The following PHF12 variants were observed in gnomAD, a reference collection of about 807,000 sequenced individuals.
The protein encoded by PHF12 is PHD factor 1.
Under a neutral mutation model 99.8 loss-of-function variants are expected in PHF12, and 6 were observed. The observed-to-expected ratio is 0.06, with a 90% CI of 0.03 to 0.12. The LOEUF is 0.12. PHF12 is among the 10% of genes least tolerant of loss of function. The pLI, the probability that PHF12 is intolerant of heterozygous loss-of-function variation, is 1.00. For synonymous variants in PHF12, 480 were observed against 514.9 expected (o/e 0.93, Z 0.92); for missense variants, 954 against 1,300.1 (o/e 0.73, Z 4.09).
rs773058091 is a variant in PHF12 at position 28,950,324 on chromosome 17, C to G, written c.67-78G>C. 2 of 1,430,574 alleles carry G rather than the reference C, an allele frequency of 1.4e-6. No individual in the cohort carries two copies. The highest frequency in any genetic ancestry group is 2.1e-5 in the Admixed American group (1 of 48,196). 88.6% of individuals were successfully genotyped at this position (1,430,574 alleles called of 1,614,324 possible). A position where few individuals can be genotyped will look rare whatever the true frequency, so the allele number is the denominator to read the frequency against. Reference sequence around the variant, plus strand: ...CGTCGCCCCCCCGGCGCGGTTTCTCCGTCACCCACCCCTCTCCCCCCTTTT... The same window carrying G: ...CGTCGCCCCCCCGGCGCGGTTTCTCGGTCACCCACCCCTCTCCCCCCTTTT... On this transcript the variant is annotated intron_variant, in intron 1 of 14. Transcript: ENST00000332830. The surrounding 1 kb of genome is among the most constrained non-coding windows in gnomAD (Gnocchi z 5.7).
chr17:28,918,179 C>T (rs1382406340), intron 6 of PHF12, among the ~76,000 whole-genome samples: 4 of 152,218 alleles, frequency 2.6e-5, no homozygotes, highest in African/African-American at 9.6e-5. Flanking sequence ...CTGCCTAATT[C>T]ATAAATCAGG....
At chr17:28,924,341 C>T in intron 3 of PHF12, 39 bp from the exon 4 acceptor site, 1 of 1,613,494 alleles carries the variant, frequency 6.2e-7, no homozygotes, top group Non-Finnish European at 8.5e-7. Flanking sequence ...TGAAAAGTAC[C>T]ATGAAACAAA....
At chr17:28,946,004 C>T (rs572629701) in intron 2 of PHF12, among the ~76,000 whole-genome samples, 5 of 152,238 alleles carry the variant, frequency 3.3e-5, no homozygotes, top group South Asian at 2.1e-4. Context: ...GGCCTGGTGG[C>T]GTGCGCCTGT....
intron 11 of PHF12, chr17:28,909,912 T>C (rs1200009845): frequency 6.6e-6 from 4 of 604,866 alleles, no homozygotes; most frequent in Non-Finnish European, 1.2e-5. Context: ...CTAATTCAAA[T>C]ATTTGAAAGC....
chr17:28,910,567 A>G (rs902312885), intron 10 of PHF12, 198 bp from the exon 11 acceptor site: 28 of 644,292 alleles, frequency 4.3e-5, no homozygotes, highest in East Asian at 1.1e-4. Context: ...ATGGGCCCCA[A>G]TGCAGCCTGT....
intron 2 of PHF12, among the ~76,000 whole-genome samples, chr17:28,936,362 T>C (rs942700705): frequency 2.6e-5 from 4 of 151,868 alleles, no homozygotes; most frequent in African/African-American, 9.7e-5. Flanking sequence ...AGGCGAGAGG[T>C]AGAGGGAGAG....
At chr17:28,913,412 T>C (rs2040004889) in intron 8 of PHF12, 135 bp from the exon 9 acceptor site, 10 of 1,438,868 alleles carry the variant, frequency 6.9e-6, no homozygotes, top group Non-Finnish European at 9.1e-6. Flanking sequence ...AAGGGTGTGC[T>C]TGACTCCTGA....
At chr17:28,940,426 C>T (rs913212084) in intron 2 of PHF12, among the ~76,000 whole-genome samples, 8 of 152,188 alleles carry the variant, frequency 5.3e-5, no homozygotes, top group Non-Finnish European at 1.0e-4. Flanking sequence ...TCAAGTTTTT[C>T]ATTACTTTGA....
intron 5 of PHF12, among the ~76,000 whole-genome samples, chr17:28,919,501 G>A (rs1444253676): frequency 1.3e-5 from 2 of 152,206 alleles, no homozygotes; most frequent in Non-Finnish European, 2.9e-5. Flanking sequence ...GGGAGGCCGA[G>A]GTGGGCGGAT....
chr17:28,911,241 G>A lies in PHF12; in HGVS notation c.2090-4C>T. ...GTGCCGGGGCTGACCTTGCCATCTGGGGACGGAGCAGGAAGACTGTTACTT... is the reference window on the plus strand; with the variant it reads ...GTGCCGGGGCTGACCTTGCCATCTGAGGACGGAGCAGGAAGACTGTTACTT... On this transcript the variant is annotated splice_polypyrimidine_tract_variant and splice_region_variant and intron_variant, in intron 9 of 14. Transcript: ENST00000332830. 2 of 1,614,070 alleles carry A rather than the reference G, an allele frequency of 1.2e-6. No homozygotes were observed. The highest frequency in any genetic ancestry group is 4.5e-5 in the East Asian group (2 of 44,882).
intron 4 of PHF12, among the ~76,000 whole-genome samples, 171 bp from the exon 5 acceptor site, chr17:28,921,979 T>G (rs2040175145): frequency 1.3e-5 from 2 of 151,588 alleles, no homozygotes; most frequent in South Asian, 4.2e-4. Context: ...AAAGAAAGAT[T>G]AGGGAGGAAA....
intron 9 of PHF12, among the ~76,000 whole-genome samples, chr17:28,911,794 AC>A (rs1567949352): frequency 6.6e-6 from 1 of 152,044 alleles, no homozygotes; most frequent in Admixed American, 6.5e-5. Context: ...AGCATCTGAA[AC>A]CTGGTTCAGA....
Position 28,951,112 on chromosome 17 carries a change from CG to C in PHF12, c.-153del. The C allele has an allele frequency of 6.9e-7, 1 of 1,454,238 alleles. No homozygotes were observed. Among genetic ancestry groups the C allele is most frequent in the Non-Finnish European group, 9.1e-7 (1 of 1,104,510 alleles). The allele number at this position is 1,454,238 out of a possible 1,614,324, so 90.1% of individuals were successfully genotyped here. A position where few individuals can be genotyped will look rare whatever the true frequency, so the allele number is the denominator to read the frequency against. On this transcript the variant is annotated 5_prime_UTR_variant, in exon 1 of 15. Transcript: ENST00000332830. ...CTCGCCCTGGCTCCCCCCCACCCCCCGGCCCCCAGTCCCCGGGACGACAGCG... is the reference window on the plus strand; with the variant it reads ...CTCGCCCTGGCTCCCCCCCACCCCCCGCCCCCAGTCCCCGGGACGACAGCG...
chr17:28,910,947 T>C, intron 10 of PHF12, 165 bp downstream of exon 10: 1 of 987,438 alleles, frequency 1.0e-6, no homozygotes, highest in Non-Finnish European at 1.5e-6. Flanking sequence ...AGCTTTCTTT[T>C]TCACCCCGCC....
chr17:28,928,967 G>A (rs576297760), intron 2 of PHF12, among the ~76,000 whole-genome samples: 3 of 151,520 alleles, frequency 2.0e-5, no homozygotes, highest in Admixed American at 6.6e-5. Context: ...GTAGTGGCAC[G>A]CGCCTGTAGT....
In PHF12 at chr17:28,912,673, G is replaced by A; in HGVS notation, c.1898C>T (p.Ala633Val). 6.2e-7 allele frequency: 1 copy of A among 1,614,234 alleles called. No homozygotes were observed. The highest frequency in any genetic ancestry group is 8.5e-7 in the Non-Finnish European group (1 of 1,180,048). Reference protein sequence around the residue: ...SLPPSIPSSCASIENTSTLQR... With the variant: ...SLPPSIPSSCVSIENTSTLQR... ...CAAAGTGCTGGTGTTCTCGATGCTG[G>A]CACAAGAGCTGGGAATGGAAGGGGG... The change falls in exon 9 of 15, where the codon GCC becomes GTC. Residue 633 changes from alanine (A) to valine (V), a missense_variant. Coordinates refer to ENST00000332830, the MANE Select transcript of PHF12 (RefSeq NM_001033561.2).
At chr17:28,910,489 C>CA (rs2039939598) in intron 10 of PHF12, 120 bp from the exon 11 acceptor site, 2 of 1,232,508 alleles carry the variant, frequency 1.6e-6, no homozygotes, top group Non-Finnish European at 2.2e-6. Context: ...GATTTTTACT[C>CA]AAACAGCATT....
chr17:28,919,852 A>G (rs1360394644), intron 5 of PHF12, among the ~76,000 whole-genome samples: 1 of 152,206 alleles, frequency 6.6e-6, no homozygotes, highest in Non-Finnish European at 1.5e-5. Flanking sequence ...TCTTGCGGGA[A>G]AGTGAATGTT....
At chr17:28,911,668 A>G (rs921331711) in intron 9 of PHF12, among the ~76,000 whole-genome samples, 16 of 152,332 alleles carry the variant, frequency 1.1e-4, no homozygotes, top group Admixed American at 8.5e-4. Context: ...GAGCGGGGCC[A>G]TCCTGGGACC....
Sources: allele counts gnomAD v4.1 joint callset (sites outside exome capture counted in the v4.1 genomes callset), GRCh38; gene constraint gnomAD v4.1.1; non-coding constraint Gnocchi (gnomAD v3.1); transcripts MANE v1.5; gene names NCBI Gene and HGNC (gene_info 2026-07-23, HGNC 2026-07-21).